Variants in MASP1 observed in about 807,000 individuals in gnomAD.
MASP1 encodes mannan-binding lectin serine protease 1.
Under a neutral mutation model 77.1 loss-of-function variants are expected in MASP1, and 59 were observed. That is an observed-to-expected ratio of 0.77 (90% CI 0.62 to 0.95). The LOEUF is 0.95. Ranked by LOEUF, MASP1 falls within the 40% of genes least tolerant of loss-of-function variation. The pLI, the probability that MASP1 is intolerant of heterozygous loss-of-function variation, is 0.00. For synonymous variants in MASP1, 362 were observed against 354.5 expected (o/e 1.02, Z -0.24); for missense variants, 885 against 912.9 (o/e 0.97, Z 0.39).
At chr3:187,285,127 TA>T (rs1717741212) in intron 2 of MASP1, among the ~76,000 whole-genome samples, 1 of 147,606 alleles carries the variant, frequency 6.8e-6, no homozygotes, top group South Asian at 2.2e-4. Context: ...AGCCTCACTT[TA>T]AAAGAAGAAC....
chr3:187,278,630 G>C (rs1717157379), intron 2 of MASP1, among the ~76,000 whole-genome samples: 1 of 152,100 alleles, frequency 6.6e-6, no homozygotes, highest in South Asian at 2.1e-4. Context: ...ACATCTTCAC[G>C]TTCCTGATCT....
chr3:187,229,972 C>T, downstream of MASP1: 1 of 1,566,104 alleles, frequency 6.4e-7, no homozygotes, highest in Admixed American at 1.7e-5. Flanking sequence ...GCTCCCAGCT[C>T]CTCACCCTGT....
chr3:187,270,981 G>A (rs1261132418), intron 2 of MASP1, among the ~76,000 whole-genome samples: 3 of 152,176 alleles, frequency 2.0e-5, no homozygotes, highest in Admixed American at 2.0e-4. Flanking sequence ...CAAACAAAAT[G>A]GATATTGTTT....
chr3:187,243,375 A>C (rs1259795564), intron 9 of MASP1, 109 bp downstream of exon 9: 35 of 1,134,770 alleles, frequency 3.1e-5, no homozygotes, highest in Non-Finnish European at 4.3e-5. Context: ...ATCAGGCTCT[A>C]CACACTTATG....
In MASP1 at chr3:187,291,386, G is replaced by C. The variant is rs1406441601; in HGVS notation, c.5+242C>G. The C allele has an allele frequency of 6.8e-6, 4 of 589,760 alleles. No homozygotes were observed. In the Admixed American group the frequency reaches 1.1e-4, roughly 16 times the overall value. 36.5% of individuals were successfully genotyped at this position (589,760 alleles called of 1,614,324 possible). A position where few individuals can be genotyped will look rare whatever the true frequency, so the allele number is the denominator to read the frequency against. The stretch of plus-strand genomic sequence containing the variant: ...AGTGGGAGAAATCTGAGCTTCAGCA[G>C]CGTCCGGAGCAGGATTTGCACGAAG... On this transcript the variant is annotated intron_variant, in intron 1 of 10. Transcript: ENST00000296280.
chr3:187,247,898 G>A (rs1202000341), intron 8 of MASP1, among the ~76,000 whole-genome samples: 4 of 152,132 alleles, frequency 2.6e-5, no homozygotes, highest in Non-Finnish European at 5.9e-5. Flanking sequence ...ATATCCCATG[G>A]CACAGAGCTG....
In MASP1 at chr3:187,291,572, C is replaced by T. The variant is rs1024167901; in HGVS notation, c.5+56G>A. On this transcript the variant is annotated intron_variant, in intron 1 of 10. Coordinates refer to ENST00000296280, the MANE Select transcript of MASP1 (RefSeq NM_139125.4). ...CAGTGACAAGGTCAGACCTTCCCTG[C>T]TATTTGACACTGGTCCCCAAAAGGG... The T allele has an allele frequency of 5.6e-6, 9 of 1,611,716 alleles. No individual in the cohort carries two copies. The African/African-American group carries it at 6.7e-5, about 12-fold the overall frequency.
At chr3:187,248,636 G>C (rs1220684032) in intron 8 of MASP1, among the ~76,000 whole-genome samples, 2 of 152,126 alleles carry the variant, frequency 1.3e-5, no homozygotes, top group African/African-American at 2.4e-5. Context: ...TCGAGCCTCA[G>C]ATTGGAGGAG....
exon 16 of MASP1, chr3:187,218,474 T>C (rs1204726741): frequency 2.0e-5 from 3 of 152,608 alleles, no homozygotes; most frequent in African/African-American, 7.2e-5. Flanking sequence ...CTGGGTCCCA[T>C]TGCCACCTTC....
rs1441743542 is a variant in MASP1, at chr3:187,220,191, C to T, written c.1980G>A (p.Trp660Ter). 1 of 1,614,194 alleles carries T rather than the reference C, an allele frequency of 6.2e-7. No individual in the cohort carries two copies. Among genetic ancestry groups the T allele is most frequent in the South Asian group, 1.1e-5 (1 of 91,078 alleles). Residue 660 changes from tryptophan to a stop codon, truncating the protein, a stop_gained, in exon 16 of 16, where the codon TGG becomes TGA. Transcript: ENST00000337774. LOFTEE classifies it high-confidence loss of function. ...CCCAGGACACAGTGCCCACCAGGTA[C>T]CACTGGCCTCTTTCTCTATTCAGGG...
At position 187,289,278 on chromosome 3, in the gene MASP1, A is replaced by G. The variant is rs886821761; in HGVS notation, c.5+2350T>C. On this transcript the variant is annotated intron_variant, in intron 1 of 10. Transcript: ENST00000296280. ...TATCTTTTCCATACACTGTCCGTAC[A>G]CGCCCCTTGTTTCAACCCACTCCAC... Among the ~76,000 whole-genome samples the G allele has an allele frequency of 5.3e-5, 8 of 152,176 alleles. 1 individual carries two copies. Among genetic ancestry groups the G allele is most frequent in the African/African-American group, 1.9e-4 (8 of 41,430 alleles).
chr3:187,236,870 C>T (rs1713232341), intron 10 of MASP1, among the ~76,000 whole-genome samples: 1 of 152,142 alleles, frequency 6.6e-6, no homozygotes, highest in African/African-American at 2.4e-5. Context: ...CACTTGTGAC[C>T]CAGACCATTT....
At chr3:187,271,934 A>T (rs2108583988) in intron 2 of MASP1, among the ~76,000 whole-genome samples, 1 of 152,314 alleles carries the variant, frequency 6.6e-6, no homozygotes, top group South Asian at 2.1e-4. Flanking sequence ...TGAAAAAGAG[A>T]TCTTTGCTTC....
rs1264047924 is a variant in MASP1 at position 187,236,115 on chromosome 3, T to G, written c.1756A>C (p.Met586Leu). Residue 586 changes from methionine (M) to leucine (L), a missense_variant, in exon 11 of 11, where the codon ATG (methionine) becomes CTG (leucine). Transcript: ENST00000296280. ...CCCCAGCCGGCCACCAGGCCCAGCA[T>G]GTGGGGGGCCGGGCCTTCAGGCTCA... ...RLEPEGPAPH[M>L]LGLVAGWGIS... The G allele has an allele frequency of 2.5e-5, 41 of 1,613,748 alleles. No homozygotes were observed. The highest frequency in any genetic ancestry group is 3.4e-5 in the Non-Finnish European group (40 of 1,180,022).
chr3:187,228,111 C>T (rs1016935717), intron 11 of MASP1, among the ~76,000 whole-genome samples: 3 of 151,960 alleles, frequency 2.0e-5, no homozygotes, highest in South Asian at 2.1e-4. Context: ...AGGGAATAAA[C>T]ATACAATGAA....
chr3:187,285,948 G>T lies in MASP1; in HGVS notation c.114C>A (p.Asp38Glu), dbSNP rs1717813690. The change falls in exon 2 of 11, where the codon GAC becomes GAA. Residue 38 changes from aspartate (D) to glutamate (E), a missense_variant. Asp to Glu is a conservative substitution (Grantham distance 45, BLOSUM62 2). Coordinates refer to ENST00000296280, the MANE Select transcript of MASP1 (RefSeq NM_139125.4). ...TCACCTCTGAATCACTGGGATAGGA[G>T]TCTGGATAACCAGGCGACTGGATCT... ...FGQIQSPGYPDSYPSDSEVTW... is the reference protein window; with the variant it reads ...FGQIQSPGYPESYPSDSEVTW... The T allele has an allele frequency of 3.7e-6, 6 of 1,614,220 alleles. No homozygotes were observed. Among genetic ancestry groups the T allele is most frequent in the African/African-American group, 1.3e-5 (1 of 75,076 alleles).
intron 2 of MASP1, among the ~76,000 whole-genome samples, chr3:187,265,236 C>T (rs1001789692): frequency 6.6e-6 from 1 of 152,076 alleles, no homozygotes; most frequent in Admixed American, 6.6e-5. Context: ...ATTAATAGTT[C>T]CAGCTACACA....
intron 2 of MASP1, among the ~76,000 whole-genome samples, chr3:187,276,355 A>C (rs986518872): frequency 6.6e-6 from 1 of 152,196 alleles, no homozygotes; most frequent in Non-Finnish European, 1.5e-5. Flanking sequence ...AGAGATTTCT[A>C]TCTGTTCTAA....
At position 187,235,628 on chromosome 3, in the gene MASP1, C is replaced by G; in HGVS notation, c.*56G>C. On this transcript the variant is annotated 3_prime_UTR_variant, in exon 11 of 11. Transcript: ENST00000296280. ...TGATAAGTAATGTGGAGTGTGCTGT[C>G]GGAAGTGCGGTGTAGCTTCGCTCAG... 6.2e-7 allele frequency: 1 copy of G among 1,608,610 alleles called. No homozygotes were observed. The highest frequency in any genetic ancestry group is 1.1e-5 in the South Asian group (1 of 90,886).
Sources: allele counts gnomAD v4.1 joint callset (sites outside exome capture counted in the v4.1 genomes callset), GRCh38; gene constraint gnomAD v4.1.1; transcripts MANE v1.5; gene names NCBI Gene and HGNC (gene_info 2026-07-23, HGNC 2026-07-21).